HDX: variants seen among roughly 807,000 people sequenced by gnomAD.
HDX encodes the protein chromosome X open reading frame 43.
In HDX, 19 loss-of-function variants were observed where a neutral mutation model predicts 45.2. That is an observed-to-expected ratio of 0.42 (90% CI 0.29 to 0.62). The LOEUF (loss-of-function observed/expected upper bound fraction) is 0.62, where lower values mean the gene tolerates loss of function less well. HDX is among the 20% of genes least tolerant of loss of function. HDX has a pLI of 0.20. For missense variants in HDX, 532 were observed against 493.9 expected, an observed-to-expected ratio of 1.08 and a Z score of -0.73; for synonymous variants, 188 against 172.8, an observed-to-expected ratio of 1.09 and a Z score of -0.69.
intron 7 of HDX, among the ~76,000 whole-genome samples, chrX:84,337,460 CTTAT>C (rs2036991559): frequency 9.0e-6 from 1 of 110,841 alleles, no homozygotes; most frequent in African/African-American, 3.3e-5. Flanking sequence ...TTTCTTTTTG[CTTAT>C]TTGTGTTTAA....
In HDX at chrX:84,469,139, T is replaced by C; in HGVS notation, c.584A>G (p.Lys195Arg). The C allele has an allele frequency of 1.7e-6, 2 of 1,210,315 alleles. No individual in the cohort carries two copies. Among genetic ancestry groups the C allele is most frequent in the Non-Finnish European group, 2.2e-6 (2 of 894,765 alleles). The change falls in exon 4 of 11, where the codon AAA becomes AGA. Residue 195 changes from lysine (K) to arginine (R), a missense_variant. Lys to Arg is a conservative substitution (Grantham distance 26). Transcript: ENST00000373177. ...TTGTACTGAAGAGTTTCCATAGTTT[T>C]TCTTTGCGTGATTGAATACTGAGTT... ...AGNSVFNHAK[K>R]NYGNSSVQAS...
rs1168062441 is a variant in HDX, at chrX:84,502,444, T to G, written c.-212A>C. 1 of 111,541 alleles carries G rather than the reference T, an allele frequency of 9.0e-6. No individual in the cohort carries two copies. The highest frequency in any genetic ancestry group is 3.3e-5 in the African/African-American group (1 of 30,624). 9.2% of individuals were successfully genotyped at this position (111,541 alleles called of 1,213,427 possible). On this transcript the variant is annotated 5_prime_UTR_variant, in exon 1 of 11. Coordinates refer to ENST00000373177, the MANE Select transcript of HDX (RefSeq NM_001177479.2). ...ATTTTTCCTGGGTCTCCAGTGCCGCTTCAGACAATGAAATCAGCGTGTCCG... is the reference window on the plus strand; with the variant it reads ...ATTTTTCCTGGGTCTCCAGTGCCGCGTCAGACAATGAAATCAGCGTGTCCG...
chrX:84,498,821 GCACACACACACACACACACACACA>G (rs202067754), intron 1 of HDX, among the ~76,000 whole-genome samples: 1 of 94,681 alleles, frequency 1.1e-5, no homozygotes, highest in South Asian at 5.8e-4. Flanking sequence ...TGGAATGTAT[GCACACACACACACACACACACACA>G]CACACACACA....
chrX:84,397,225 A>T (rs184274797), intron 5 of HDX, among the ~76,000 whole-genome samples: 136 of 112,097 alleles, frequency 1.2e-3, no homozygotes, highest in African/African-American at 4.2e-3. Context: ...GATAGCCGTC[A>T]GCCAGTGTGG....
At chrX:84,443,546 A>G (rs1277954812) in intron 4 of HDX, among the ~76,000 whole-genome samples, 1 of 111,913 alleles carries the variant, frequency 8.9e-6, no homozygotes, top group African/African-American at 3.2e-5. Flanking sequence ...TATTCAAAGC[A>G]TTCTGGGAAC....
intron 5 of HDX, among the ~76,000 whole-genome samples, chrX:84,375,387 A>T (rs1360997697): frequency 2.7e-5 from 3 of 110,964 alleles, no homozygotes; most frequent in Non-Finnish European, 5.7e-5. Context: ...CAGCCATCCC[A>T]TTACTGGGTA....
At chrX:84,396,844 G>C (rs992706780) in intron 5 of HDX, among the ~76,000 whole-genome samples, 4 of 111,083 alleles carry the variant, frequency 3.6e-5, no homozygotes, top group Non-Finnish European at 7.5e-5. Flanking sequence ...CTGGCATGAG[G>C]GGGTGAAGCT....
rs1376689170 is a variant in HDX, at chrX:84,475,262, T to G, written c.136A>C (p.Ser46Arg). The G allele has an allele frequency of 8.3e-7, 1 of 1,200,758 alleles. No individual in the cohort carries two copies. The highest frequency in any genetic ancestry group is 2.3e-5 in the Admixed American group (1 of 43,969). ...ACCTCAATACTTACCCTGACTACAC[T>G]GAAGTCCAGCTTAGTCTCCTGTGCA... ...QCAQETKLDF[S>R]VVRTWVGNKR... The change falls in exon 3 of 11, where the codon AGT (serine) becomes CGT (arginine). Residue 46 changes from serine to arginine, a missense_variant. Around this residue, in one of 3 missense-constraint regions of HDX, gnomAD observed 376 missense variants for 343.7 expected, o/e 1.09. Transcript: ENST00000373177.
intron 5 of HDX, among the ~76,000 whole-genome samples, chrX:84,369,843 A>T (rs1185962786): frequency 8.9e-6 from 1 of 112,001 alleles, no homozygotes; most frequent in African/African-American, 3.3e-5. Flanking sequence ...TATTCCTGAT[A>T]TTAACATCCT....
chrX:84,447,134 G>A (rs781441462), intron 4 of HDX, among the ~76,000 whole-genome samples: 55 of 111,768 alleles, frequency 4.9e-4, no homozygotes, highest in Non-Finnish European at 7.5e-4. Context: ...GAGCAGCTAA[G>A]GGTTCTGGAA....
chrX:84,487,549 C>T (rs1485931576), intron 2 of HDX, among the ~76,000 whole-genome samples: 4 of 111,965 alleles, frequency 3.6e-5, no homozygotes, highest in Non-Finnish European at 5.6e-5. Context: ...CACACTAGTA[C>T]CATTTGGGTG....
intron 6 of HDX, among the ~76,000 whole-genome samples, chrX:84,345,462 G>A (rs2037179810): frequency 1.8e-5 from 2 of 110,972 alleles, no homozygotes; most frequent in African/African-American, 3.3e-5. Context: ...TGTGTGTATC[G>A]AGCCCATTCG....
chrX:84,448,980 G>A (rs1286132881), intron 4 of HDX, among the ~76,000 whole-genome samples: 1 of 108,267 alleles, frequency 9.2e-6, no homozygotes, highest in African/African-American at 3.4e-5. Flanking sequence ...AAAATTCATG[G>A]AATCAAATAA....
chrX:84,423,750 T>C (rs2039322633), intron 5 of HDX, among the ~76,000 whole-genome samples: 1 of 111,871 alleles, frequency 8.9e-6, no homozygotes, highest in Non-Finnish European at 1.9e-5. Context: ...AAGCATTTGA[T>C]ATAATTCAAC....
chrX:84,322,174 C>A (rs909178106), intron 10 of HDX, among the ~76,000 whole-genome samples, 160 bp from the exon 11 acceptor site: 1 of 110,745 alleles, frequency 9.0e-6, no homozygotes, highest in East Asian at 2.8e-4. Context: ...AAGAAAAATT[C>A]TTCATACATT....
At chrX:84,493,333 A>G (rs2040931948) in intron 1 of HDX, among the ~76,000 whole-genome samples, 1 of 111,789 alleles carries the variant, frequency 8.9e-6, no homozygotes, top group Admixed American at 9.6e-5. Context: ...GCTTAGGTGA[A>G]AATAGAAACA....
chrX:84,479,434 G>A (rs2040627278), intron 2 of HDX, among the ~76,000 whole-genome samples: 2 of 111,738 alleles, frequency 1.8e-5, no homozygotes, highest in Admixed American at 1.9e-4. Context: ...TTGTATTAAT[G>A]TACCACAGTT....
rs183460517 is a variant in HDX at position 84,461,565 on chromosome X, G to C, written c.1251+6907C>G. Among the ~76,000 whole-genome samples, 558 of 110,384 alleles carry C rather than the reference G, an allele frequency of 5.1e-3. 4 individuals carry two copies. The highest frequency in any genetic ancestry group is 9.3e-3 in the Middle Eastern group (2 of 214). Reference sequence around the variant, plus strand: ...AAGACCAGAAACTATGAAATTACTAGAAGAAAACTTCGGCAAAAATCTCCA... The same window carrying C: ...AAGACCAGAAACTATGAAATTACTACAAGAAAACTTCGGCAAAAATCTCCA... On this transcript the variant is annotated intron_variant, in intron 4 of 10. Coordinates refer to ENST00000373177, the MANE Select transcript of HDX (RefSeq NM_001177479.2).
chrX:84,466,953 G>GT (rs977281016), intron 4 of HDX, among the ~76,000 whole-genome samples: 33 of 111,374 alleles, frequency 3.0e-4, no homozygotes, highest in African/African-American at 1.0e-3. Flanking sequence ...TCAACAAATG[G>GT]TAAGTGTTAT....
Sources: gnomAD v4.1 joint callset for allele counts (sites outside exome capture counted in the v4.1 genomes callset) on GRCh38, gnomAD v4.1.1 for gene constraint, gnomAD v4.1.1 regional missense constraint, MANE v1.5 for transcripts, NCBI Gene and HGNC (gene_info 2026-07-23, HGNC 2026-07-21) for gene names.